Variants in ANKS1B observed in about 807,000 individuals in gnomAD.
ANKS1B encodes the protein ankyrin repeat and sterile alpha motif domain containing 1B, also known as ankyrin repeat and sterile alpha motif domain-containing protein 1B.
In ANKS1B, 36 loss-of-function variants were observed where a neutral mutation model predicts 148.3. That is an observed-to-expected ratio of 0.24 (90% CI 0.19 to 0.32). The LOEUF is 0.32. ANKS1B is among the 10% of genes least tolerant of loss of function. The pLI, the probability that ANKS1B is intolerant of heterozygous loss-of-function variation, is 1.00. For synonymous variants in ANKS1B, 542 were observed against 560.8 expected, an observed-to-expected ratio of 0.97 and a Z score of 0.47; for missense variants, 1,157 against 1,542.6, an observed-to-expected ratio of 0.75 and a Z score of 4.19.
At chr12:99,043,401 G>C (rs895780274) in intron 17 of ANKS1B, among the ~76,000 whole-genome samples, 2 of 152,152 alleles carry the variant, frequency 1.3e-5, no homozygotes, top group Non-Finnish European at 2.9e-5. Flanking sequence ...CAGAAGCAGG[G>C]ATTAATACAA....
rs567089529 is a variant in ANKS1B at position 99,633,195 on chromosome 12, T to C, written c.1272+21872A>G. Among the ~76,000 whole-genome samples the C allele has an allele frequency of 3.2e-4, 48 of 152,068 alleles. No homozygotes were observed. The East Asian group carries it at 9.1e-3, about 29-fold the overall frequency. On this transcript the variant is annotated intron_variant, in intron 9 of 26. Coordinates refer to ENST00000683438, the MANE Select transcript of ANKS1B (RefSeq NM_001352186.2). ...TGGGTTGGTTCCAAGTCTTTGCTAT[T>C]GTGAATAGTGCCGCAATAAACATAC... is the stretch of plus-strand genomic sequence containing the variant.
intron 8 of ANKS1B, among the ~76,000 whole-genome samples, chr12:99,705,500 A>G (rs942395679): frequency 5.9e-5 from 9 of 152,104 alleles, no homozygotes; most frequent in African/African-American, 2.2e-4. Flanking sequence ...CCTAAAGCAA[A>G]GCTTATAGTG....
intron 12 of ANKS1B, among the ~76,000 whole-genome samples, chr12:99,364,390 T>C (rs1019822078): frequency 6.6e-5 from 10 of 152,228 alleles, no homozygotes; most frequent in African/African-American, 1.7e-4. Context: ...ATGTTCCCTA[T>C]TGTCATATGT....
intron 12 of ANKS1B, among the ~76,000 whole-genome samples, chr12:99,266,495 A>G (rs765928274): frequency 1.3e-5 from 2 of 152,192 alleles, no homozygotes; most frequent in Non-Finnish European, 2.9e-5. Context: ...GGTTAGTAAA[A>G]CTGCCCATTT....
At chr12:98,761,101 C>T (rs2153437664) in intron 25 of ANKS1B, among the ~76,000 whole-genome samples, 1 of 152,328 alleles carries the variant, frequency 6.6e-6, no homozygotes, top group Middle Eastern at 3.4e-3. Flanking sequence ...AAATTGACAA[C>T]TTGGCCAAGT....
intron 17 of ANKS1B, among the ~76,000 whole-genome samples, chr12:99,042,265 T>C (rs988755019): frequency 6.6e-5 from 10 of 152,134 alleles, no homozygotes; most frequent in African/African-American, 2.4e-4. Flanking sequence ...GTGATGTAAG[T>C]AGAGGTGTAA....
intron 19 of ANKS1B, among the ~76,000 whole-genome samples, chr12:98,823,447 G>A (rs912038444): frequency 6.6e-6 from 1 of 152,178 alleles, no homozygotes; most frequent in Non-Finnish European, 1.5e-5. Context: ...CAAAAAATCT[G>A]ATGTGACACA....
chr12:99,757,090 A>G (rs990273441), intron 8 of ANKS1B, among the ~76,000 whole-genome samples: 64 of 152,262 alleles, frequency 4.2e-4, no homozygotes, highest in African/African-American at 1.5e-3. Flanking sequence ...AAAAGCAAAA[A>G]TTGACAAATG....
At chr12:99,187,358 A>C (rs1357547302) in intron 14 of ANKS1B, among the ~76,000 whole-genome samples, 1 of 152,130 alleles carries the variant, frequency 6.6e-6, no homozygotes, top group Non-Finnish European at 1.5e-5. Flanking sequence ...GTACTCCTTC[A>C]TGAGAAGAAC....
intron 4 of ANKS1B, among the ~76,000 whole-genome samples, chr12:99,783,016 C>T (rs1055908155): frequency 1.3e-5 from 2 of 151,942 alleles, no homozygotes; most frequent in African/African-American, 4.8e-5. Flanking sequence ...TGGTGAAACC[C>T]CATCTCTACT....
intron 17 of ANKS1B, among the ~76,000 whole-genome samples, chr12:98,939,295 T>C (rs899171267): frequency 2.6e-5 from 4 of 152,236 alleles, no homozygotes; most frequent in Admixed American, 2.6e-4. Context: ...ATCAAAGCCT[T>C]CTTGATAGAA....
At chr12:99,168,424 C>G (rs1396716839) in intron 14 of ANKS1B, among the ~76,000 whole-genome samples, 1 of 150,656 alleles carries the variant, frequency 6.6e-6, no homozygotes, top group African/African-American at 2.4e-5. Flanking sequence ...GAGGTTGAGG[C>G]AGGAGAATCA....
chr12:98,956,128 C>T (rs1308094878), intron 17 of ANKS1B, among the ~76,000 whole-genome samples: 1 of 152,170 alleles, frequency 6.6e-6, no homozygotes, highest in Non-Finnish European at 1.5e-5. Flanking sequence ...AGCCTGGTCT[C>T]CCTCTTTGTG....
chr12:99,337,474 C>A (rs561674295), intron 12 of ANKS1B, among the ~76,000 whole-genome samples: 135 of 152,108 alleles, frequency 8.9e-4, no homozygotes, highest in Non-Finnish European at 4.9e-4. Context: ...GGTTACATAT[C>A]TGTCTCTCCA....
chr12:98,818,757 G>A (rs1272584936), intron 19 of ANKS1B, among the ~76,000 whole-genome samples: 2 of 151,994 alleles, frequency 1.3e-5, no homozygotes, highest in African/African-American at 2.4e-5. Flanking sequence ...TTCCTTTCTT[G>A]CAAAGTGAGG....
intron 8 of ANKS1B, among the ~76,000 whole-genome samples, chr12:99,721,661 G>A (rs2058097365): frequency 6.6e-6 from 1 of 152,120 alleles, no homozygotes; most frequent in Admixed American, 6.5e-5. Context: ...GACTCAGCCT[G>A]CCTGCACCCA....
chr12:99,972,179 A>G (rs1037286047), intron 1 of ANKS1B, among the ~76,000 whole-genome samples: 2 of 152,196 alleles, frequency 1.3e-5, no homozygotes, highest in Admixed American at 6.5e-5. Context: ...AATTAGGCCA[A>G]TGAATAACCC....
chr12:99,623,744 G>A (rs747541324), intron 9 of ANKS1B, among the ~76,000 whole-genome samples: 7 of 151,990 alleles, frequency 4.6e-5, no homozygotes, highest in Non-Finnish European at 7.4e-5. Context: ...ACTGCCTAAA[G>A]AAATCATAGA....
chr12:99,972,401 T>C (rs940226960), intron 1 of ANKS1B, among the ~76,000 whole-genome samples: 2 of 152,194 alleles, frequency 1.3e-5, no homozygotes, highest in South Asian at 2.1e-4. Flanking sequence ...AGTGAACACA[T>C]GAATGATAAG....
Sources: gnomAD v4.1 joint callset for allele counts (sites outside exome capture counted in the v4.1 genomes callset) on GRCh38, gnomAD v4.1.1 for gene constraint, MANE v1.5 for transcripts, NCBI Gene and HGNC (gene_info 2026-07-23, HGNC 2026-07-21) for gene names.